The following SLC16A2 variants were observed in gnomAD, a reference collection of about 807,000 sequenced individuals.
The protein encoded by SLC16A2 is monocarboxylate transporter 8.
A neutral mutation model predicts 27.2 loss-of-function variants in SLC16A2; 3 were observed. The observed-to-expected ratio is 0.11, with a 90% CI of 0.05 to 0.28. The LOEUF (loss-of-function observed/expected upper bound fraction) is 0.28, where lower values mean the gene tolerates loss of function less well. SLC16A2 is among the 10% of genes least tolerant of loss of function. The pLI is 1.00. For missense variants in SLC16A2, 295 were observed against 458.5 expected (o/e 0.64, Z 3.26); for synonymous variants, 202 against 187.8 (o/e 1.08, Z -0.62).
chrX:74,426,467 A>G (rs1360213352), intron 1 of SLC16A2, among the ~76,000 whole-genome samples: 8 of 112,038 alleles, frequency 7.1e-5, no homozygotes, highest in Admixed American at 9.5e-5. Flanking sequence ...TGCCTGGATC[A>G]CTGTACAGTG....
chrX:74,507,084 C>A (rs1396781230), intron 1 of SLC16A2, among the ~76,000 whole-genome samples: 1 of 108,253 alleles, frequency 9.2e-6, no homozygotes, highest in Non-Finnish European at 1.9e-5. Flanking sequence ...GTAACTGGGA[C>A]TACAGGCCCG....
Position 74,437,610 on chromosome X carries a change from A to G in SLC16A2, c.430+15543A>G, listed in dbSNP as rs762139601. ...AAGCAAGGTTTCCTTAGATCTGGCC[A>G]AACAGCTGCAGGGACCTGGTGGCCT... On this transcript the variant is annotated intron_variant, in intron 1 of 5. Transcript: ENST00000587091. 3.6e-5 allele frequency among the ~76,000 whole-genome samples: 4 copies of G among 112,334 alleles called. No homozygotes were observed. In the South Asian group the frequency reaches 1.5e-3, roughly 42 times the overall value.
At chrX:74,476,292 G>A (rs1435069071) in intron 1 of SLC16A2, among the ~76,000 whole-genome samples, 2 of 111,889 alleles carry the variant, frequency 1.8e-5, no homozygotes, top group African/African-American at 6.5e-5. Context: ...TGTTATTGGT[G>A]TATAAGAATG....
chrX:74,449,637 T>C (rs1430494662), intron 1 of SLC16A2, among the ~76,000 whole-genome samples: 1 of 111,310 alleles, frequency 9.0e-6, no homozygotes, highest in Non-Finnish European at 1.9e-5. Context: ...CTAACTCTGT[T>C]TTTCAGGGTC....
intron 1 of SLC16A2, among the ~76,000 whole-genome samples, chrX:74,506,289 C>T (rs1438527689): frequency 1.8e-5 from 2 of 111,728 alleles, no homozygotes; most frequent in Non-Finnish European, 3.8e-5. Context: ...ATGGAGGAGA[C>T]CTGAGACCTT....
chrX:74,503,557 A>T (rs1930073752), intron 1 of SLC16A2, among the ~76,000 whole-genome samples: 1 of 111,615 alleles, frequency 9.0e-6, no homozygotes, highest in Non-Finnish European at 1.9e-5. Flanking sequence ...TAGTGACCAC[A>T]GGAGCCTGGA....
chrX:74,467,973 A>AGCC (rs1929284388), intron 1 of SLC16A2, among the ~76,000 whole-genome samples: 1 of 111,366 alleles, frequency 9.0e-6, no homozygotes, highest in African/African-American at 3.3e-5. Context: ...CAAGCCTCCA[A>AGCC]ACCACTGTTC....
chrX:74,473,491 G>A, intron 1 of SLC16A2: 1 of 563,092 alleles, frequency 1.8e-6, no homozygotes, highest in Non-Finnish European at 3.1e-6. Context: ...GGTTGTCAAA[G>A]GTTACAAAGG....
chrX:74,471,079 C>T (rs1929346996), intron 1 of SLC16A2, among the ~76,000 whole-genome samples: 1 of 112,692 alleles, frequency 8.9e-6, no homozygotes, highest in East Asian at 2.7e-4. Flanking sequence ...GTGTCTTTCA[C>T]AGAGCAGAGA....
chrX:74,485,612 G>A (rs1929701659), intron 1 of SLC16A2, among the ~76,000 whole-genome samples: 1 of 110,963 alleles, frequency 9.0e-6, no homozygotes, highest in African/African-American at 3.3e-5. Flanking sequence ...TCTGACCTGG[G>A]GTTCTTGGCC....
At chrX:74,514,551 C>T (rs1159860843) in intron 1 of SLC16A2, among the ~76,000 whole-genome samples, 1 of 111,111 alleles carries the variant, frequency 9.0e-6, no homozygotes, top group Non-Finnish European at 1.9e-5. Context: ...CAAGGCCTAC[C>T]CCTCCCCCAT....
chrX:74,479,721 A>C (rs1313283102), intron 1 of SLC16A2, among the ~76,000 whole-genome samples: 1 of 112,360 alleles, frequency 8.9e-6, no homozygotes, highest in Non-Finnish European at 1.9e-5. Context: ...CCTCAGCTGC[A>C]GGTGGGTTGG....
chrX:74,484,120 C>T (rs1929674346), intron 1 of SLC16A2, among the ~76,000 whole-genome samples: 1 of 111,727 alleles, frequency 9.0e-6, no homozygotes, highest in African/African-American at 3.3e-5. Context: ...AAGAGTCAAA[C>T]TCTGTAAAAT....
chrX:74,471,360 C>T (rs1402789404), intron 1 of SLC16A2, among the ~76,000 whole-genome samples: 1 of 111,971 alleles, frequency 8.9e-6, no homozygotes, highest in Non-Finnish European at 1.9e-5. Context: ...TCTCTGATGG[C>T]TCTAAGAACA....
In SLC16A2 at chrX:74,477,327, C is replaced by T. The variant is rs188807622; in HGVS notation, c.431-43663C>T. ...ATTTCTGTGGGATCGGTGGTGATAT[C>T]CCCTTTATCATTTTTTTATTGCATC... On this transcript the variant is annotated intron_variant, in intron 1 of 5. Transcript: ENST00000587091. Among the ~76,000 whole-genome samples the T allele has an allele frequency of 1.8e-4, 20 of 111,289 alleles. No homozygotes were observed. The East Asian group carries it at 5.3e-3, about 30-fold the overall frequency.
At chrX:74,447,622 C>A (rs1450402642) in intron 1 of SLC16A2, among the ~76,000 whole-genome samples, 1 of 109,482 alleles carries the variant, frequency 9.1e-6, no homozygotes, top group Non-Finnish European at 1.9e-5. Context: ...TTGTAGTGAG[C>A]TATGAACTCA....
At position 74,479,061 on chromosome X, in the gene SLC16A2, T is replaced by G. The variant is rs767524334; in HGVS notation, c.431-41929T>G. On this transcript the variant is annotated intron_variant, in intron 1 of 5. Coordinates refer to ENST00000587091, the MANE Select transcript of SLC16A2 (RefSeq NM_006517.5). Reference sequence around the variant, plus strand: ...GCTAGATTCAGGAAGTTCTCCTGGATAATATCCGGCAGAGTGTTTTCCAAC... The same window carrying G: ...GCTAGATTCAGGAAGTTCTCCTGGAGAATATCCGGCAGAGTGTTTTCCAAC... Among the ~76,000 whole-genome samples the G allele has an allele frequency of 8.6e-4, 96 of 112,226 alleles. No homozygotes were observed. In the Middle Eastern group the frequency reaches 0.014, roughly 16 times the overall value.
At chrX:74,491,615 A>G (rs1602129824) in intron 1 of SLC16A2, among the ~76,000 whole-genome samples, 1 of 112,193 alleles carries the variant, frequency 8.9e-6, no homozygotes, top group East Asian at 2.8e-4. Context: ...TCTCAGATTA[A>G]GTTCTAAAAG....
chrX:74,443,721 T>G (rs771971975), intron 1 of SLC16A2, among the ~76,000 whole-genome samples: 2 of 112,200 alleles, frequency 1.8e-5, no homozygotes, highest in South Asian at 7.5e-4. Context: ...CCATTCCTTG[T>G]GTGATTGTGC....
Sources: allele counts gnomAD v4.1 joint callset (sites outside exome capture counted in the v4.1 genomes callset), GRCh38; gene constraint gnomAD v4.1.1; transcripts MANE v1.5; gene names NCBI Gene and HGNC (gene_info 2026-07-23, HGNC 2026-07-21).